CHN2: variants seen among roughly 807,000 people sequenced by gnomAD.
The protein encoded by CHN2 is chimerin 2.
A neutral mutation model predicts 56.3 loss-of-function variants in CHN2; 35 were observed. The ratio of observed to expected loss-of-function variants is 0.62; its 90% CI spans 0.47 to 0.82. The LOEUF is 0.82. CHN2 is among the 40% of genes least tolerant of loss of function. The pLI, the probability that CHN2 is intolerant of heterozygous loss-of-function variation, is 0.00. For missense variants in CHN2, 491 were observed against 580.5 expected, an observed-to-expected ratio of 0.85 and a Z score of 1.58; for synonymous variants, 210 against 212.8, an observed-to-expected ratio of 0.99 and a Z score of 0.12.
Position 29,334,997 on chromosome 7 carries a change from A to T in CHN2, c.50-19628A>T, listed in dbSNP as rs115115635. ...TTTCCTAAGTGTTGAGAGATAAGTT[A>T]TCTTAATCAGTGGATACCTTTTGAA... On this transcript the variant is annotated intron_variant, in intron 1 of 12. Coordinates refer to ENST00000222792, the MANE Select transcript of CHN2 (RefSeq NM_004067.4). Among the ~76,000 whole-genome samples, 965 of 152,370 alleles carry T rather than the reference A, an allele frequency of 6.3e-3. 14 individuals carry two copies. The highest frequency in any genetic ancestry group is 0.022 in the African/African-American group (913 of 41,590).
intron 7 of CHN2, among the ~76,000 whole-genome samples, chr7:29,492,686 C>A (rs1195005569): frequency 6.6e-6 from 1 of 152,194 alleles, no homozygotes; most frequent in Non-Finnish European, 1.5e-5. Context: ...CATAGCCAGC[C>A]TTCCTGATAG....
Position 29,195,629 on chromosome 7 carries a change from A to AGAGAGAGAGAGAGAGTGTGT in CHN2, c.49+640_49+641insAGAGAGAGAGAGAGTGTGTG, listed in dbSNP as rs869037854. Among the ~76,000 whole-genome samples, 682 of 117,180 alleles carry AGAGAGAGAGAGAGAGTGTGT rather than the reference A, an allele frequency of 5.8e-3. 4 individuals are homozygous for AGAGAGAGAGAGAGAGTGTGT. Among genetic ancestry groups the AGAGAGAGAGAGAGAGTGTGT allele is most frequent in the East Asian group, 7.6e-3 (20 of 2,626 alleles). 76.9% of individuals were successfully genotyped at this position (117,180 alleles called of 152,430 possible). On this transcript the variant is annotated intron_variant, in intron 1 of 12. Coordinates refer to ENST00000222792, the MANE Select transcript of CHN2 (RefSeq NM_004067.4). ...GAGAGAGAGAGAGAGAGAGAGAGAG[A>AGAGAGAGAGAGAGAGTGTGT]GTGTGTGTGTGTGTGTGTGTGAGAG... is the stretch of plus-strand genomic sequence containing the variant.
At chr7:29,349,490 C>A (rs139995541) in intron 1 of CHN2, among the ~76,000 whole-genome samples, 1 of 152,106 alleles carries the variant, frequency 6.6e-6, no homozygotes, top group Non-Finnish European at 1.5e-5. Context: ...TGCTCTCAAC[C>A]GCAAACTCTC....
intron 1 of CHN2, among the ~76,000 whole-genome samples, chr7:29,246,727 A>G (rs1271676010): frequency 1.3e-5 from 2 of 152,218 alleles, no homozygotes; most frequent in Admixed American, 1.3e-4. Flanking sequence ...CAGGAAGGCC[A>G]GGATCAGGGC....
At chr7:29,205,714 C>G (rs1250707298) in intron 1 of CHN2, among the ~76,000 whole-genome samples, 1 of 152,140 alleles carries the variant, frequency 6.6e-6, no homozygotes, top group Admixed American at 6.5e-5. Context: ...CTATGTAAAG[C>G]TCCAATATGC....
chr7:29,429,968 T>C (rs1782713364), intron 6 of CHN2, among the ~76,000 whole-genome samples: 2 of 152,308 alleles, frequency 1.3e-5, no homozygotes, highest in South Asian at 2.1e-4. Flanking sequence ...CTGTAAAGAA[T>C]AGAAGCACGC....
intron 7 of CHN2, chr7:29,483,967 T>G: frequency 1.4e-5 from 13 of 927,214 alleles, no homozygotes; most frequent in Non-Finnish European, 2.0e-5. Flanking sequence ...TCGTGGTCTC[T>G]GGCACCCAGT....
At chr7:29,305,120 A>G (rs1794038470) in intron 1 of CHN2, among the ~76,000 whole-genome samples, 1 of 152,156 alleles carries the variant, frequency 6.6e-6, no homozygotes, top group Non-Finnish European at 1.5e-5. Flanking sequence ...AAGGAGCTCT[A>G]AACAGCCAGC....
chr7:29,286,758 T>A (rs775891539), intron 1 of CHN2, among the ~76,000 whole-genome samples: 14 of 152,100 alleles, frequency 9.2e-5, no homozygotes, highest in Non-Finnish European at 1.6e-4. Flanking sequence ...CCCATATGAG[T>A]GGGCTTGGTG....
intron 1 of CHN2, among the ~76,000 whole-genome samples, chr7:29,224,796 C>T (rs1447303096): frequency 2.0e-5 from 3 of 152,134 alleles, no homozygotes; most frequent in Non-Finnish European, 4.4e-5. Flanking sequence ...TGTTAAATCA[C>T]AAGATAATCT....
intron 6 of CHN2, among the ~76,000 whole-genome samples, chr7:29,456,949 C>A (rs2128134769): frequency 6.6e-6 from 1 of 152,042 alleles, no homozygotes; most frequent in African/African-American, 2.4e-5. Context: ...GCCCAGAATC[C>A]TTCTCAACTC....
chr7:29,244,877 C>G (rs938681598), intron 1 of CHN2, among the ~76,000 whole-genome samples: 4 of 152,198 alleles, frequency 2.6e-5, no homozygotes, highest in African/African-American at 9.7e-5. Context: ...GGCCCCATCA[C>G]CTGTGGCTGT....
At chr7:29,169,478 G>A (rs1340076699) in intron 2 of CHN2, among the ~76,000 whole-genome samples, 2 of 151,954 alleles carry the variant, frequency 1.3e-5, no homozygotes, top group Non-Finnish European at 2.9e-5. Flanking sequence ...ATACAATAAT[G>A]TTATGTTAAA....
intron 3 of CHN2, among the ~76,000 whole-genome samples, chr7:29,374,355 A>AT (rs1219917507): frequency 6.6e-6 from 1 of 151,946 alleles, no homozygotes; most frequent in East Asian, 1.9e-4. Context: ...TGACATATGA[A>AT]TTTTTTTCCC....
At chr7:29,188,183 C>A (rs1474265442) in intron 2 of CHN2, among the ~76,000 whole-genome samples, 1 of 152,180 alleles carries the variant, frequency 6.6e-6, no homozygotes, top group Non-Finnish European at 1.5e-5. Flanking sequence ...CCTAGAGTTC[C>A]TAACTGGACT....
intron 1 of CHN2, among the ~76,000 whole-genome samples, chr7:29,283,401 A>G (rs1791885370): frequency 6.6e-6 from 1 of 152,172 alleles, no homozygotes; most frequent in East Asian, 1.9e-4. Flanking sequence ...GTTGGTATAC[A>G]CGATCTGTAG....
chr7:29,416,746 CTG>C (rs1803786179), intron 6 of CHN2, among the ~76,000 whole-genome samples: 1 of 152,024 alleles, frequency 6.6e-6, no homozygotes, highest in African/African-American at 2.4e-5. Flanking sequence ...TAGATGTAAT[CTG>C]TAATCATATG....
At chr7:29,204,067 CTGTGTGTGTGTGTGTG>C (rs55930139) in intron 1 of CHN2, among the ~76,000 whole-genome samples, 49 of 128,852 alleles carry the variant, frequency 3.8e-4, no homozygotes, top group African/African-American at 1.2e-3. Flanking sequence ...TTCTCTCTCT[CTGTGTGTGTGTGTGTG>C]TGTGTGTGTG....
chr7:29,333,829 C>T (rs1414409178), intron 1 of CHN2, among the ~76,000 whole-genome samples: 1 of 152,112 alleles, frequency 6.6e-6, no homozygotes, highest in Non-Finnish European at 1.5e-5. Context: ...TCTGGATTTT[C>T]AGCAGTAATG....
Sources: gnomAD v4.1 joint callset for allele counts (sites outside exome capture counted in the v4.1 genomes callset) on GRCh38, gnomAD v4.1.1 for gene constraint, MANE v1.5 for transcripts, NCBI Gene and HGNC (gene_info 2026-07-23, HGNC 2026-07-21) for gene names.